Variants in CDH18 observed in about 807,000 individuals in gnomAD.
CDH18 encodes the protein cadherin 18.
A neutral mutation model predicts 67.9 loss-of-function variants in CDH18; 31 were observed. The observed-to-expected ratio is 0.46, with a 90% CI of 0.34 to 0.62. The LOEUF is 0.62. Among genes scored for constraint, CDH18 ranks in the 20% least tolerant of loss-of-function variants. CDH18 has a pLI of 0.01. For missense variants in CDH18, 890 were observed against 975.5 expected (o/e 0.91, Z 1.17); for synonymous variants, 362 against 347.2 (o/e 1.04, Z -0.48).
chr5:20,157,842 A>T (rs1020849405), intron 2 of CDH18, among the ~76,000 whole-genome samples: 3 of 151,912 alleles, frequency 2.0e-5, no homozygotes, highest in Non-Finnish European at 4.4e-5. Context: ...GGGTTTCACC[A>T]TGTTGGCCAG....
chr5:19,495,717 C>CAAAAAA (rs749003068), intron 11 of CDH18, among the ~76,000 whole-genome samples: 18 of 46,494 alleles, frequency 3.9e-4, no homozygotes, highest in Admixed American at 8.0e-4. Context: ...GAAACTGTCT[C>CAAAAAA]AAAAAAAAAA....
intron 2 of CDH18, among the ~76,000 whole-genome samples, chr5:20,049,269 C>T (rs1741192207): frequency 6.6e-6 from 1 of 151,326 alleles, no homozygotes. Flanking sequence ...ATAGGATTCT[C>T]TAAGAACAGT....
intron 2 of CDH18, among the ~76,000 whole-genome samples, chr5:20,222,812 C>G (rs1180850108): frequency 1.3e-5 from 2 of 151,926 alleles, no homozygotes; most frequent in African/African-American, 4.8e-5. Context: ...TGTTTTCTGA[C>G]AGTTCTTTAA....
At chr5:20,445,299 G>A (rs1349866760) in intron 1 of CDH18, among the ~76,000 whole-genome samples, 1 of 152,134 alleles carries the variant, frequency 6.6e-6, no homozygotes, top group East Asian at 1.9e-4. Flanking sequence ...CTGCAGATTA[G>A]AAAAAGGAAA....
chr5:19,815,956 A>G (rs1179630709), intron 3 of CDH18, among the ~76,000 whole-genome samples: 1 of 151,958 alleles, frequency 6.6e-6, no homozygotes, highest in Non-Finnish European at 1.5e-5. Flanking sequence ...AGTTCTTAAC[A>G]GATGTAAGCA....
chr5:19,874,398 C>T (rs1786698628), intron 2 of CDH18, among the ~76,000 whole-genome samples: 1 of 152,158 alleles, frequency 6.6e-6, no homozygotes, highest in East Asian at 1.9e-4. Context: ...ATAATATCTT[C>T]CACAACAACT....
chr5:19,692,365 AT>A (rs1481695511), intron 5 of CDH18, among the ~76,000 whole-genome samples: 1 of 152,176 alleles, frequency 6.6e-6, no homozygotes, highest in Non-Finnish European at 1.5e-5. Context: ...ATGAAACAAA[AT>A]CAAAAATAGA....
At chr5:20,375,645 A>AT (rs890708215) in intron 1 of CDH18, among the ~76,000 whole-genome samples, 14 of 152,008 alleles carry the variant, frequency 9.2e-5, no homozygotes, top group Non-Finnish European at 1.6e-4. Context: ...CTGTCAATTC[A>AT]TTTTTTTTAG....
intron 2 of CDH18, among the ~76,000 whole-genome samples, chr5:20,245,734 C>T (rs1743324646): frequency 6.6e-6 from 1 of 152,056 alleles, no homozygotes; most frequent in South Asian, 2.1e-4. Context: ...GCATATAATG[C>T]ACAATAAAAA....
intron 3 of CDH18, among the ~76,000 whole-genome samples, chr5:19,822,555 C>A (rs1032782923): frequency 1.3e-5 from 2 of 152,134 alleles, no homozygotes; most frequent in Non-Finnish European, 2.9e-5. Context: ...GGGCAGACAT[C>A]ACATGTCAGT....
At chr5:19,613,559 A>C (rs1265385826) in intron 5 of CDH18, among the ~76,000 whole-genome samples, 1 of 152,200 alleles carries the variant, frequency 6.6e-6, no homozygotes, top group Non-Finnish European at 1.5e-5. Context: ...TAGTAGTGCA[A>C]AGAGGGACGT....
chr5:19,828,521 C>T (rs1231569467), intron 3 of CDH18, among the ~76,000 whole-genome samples: 1 of 152,180 alleles, frequency 6.6e-6, no homozygotes, highest in Non-Finnish European at 1.5e-5. Context: ...TCCAGCAGCA[C>T]ATCAAAAAGC....
chr5:19,973,932 G>A (rs1425669146), intron 2 of CDH18, among the ~76,000 whole-genome samples: 1 of 152,130 alleles, frequency 6.6e-6, no homozygotes, highest in East Asian at 1.9e-4. Context: ...TTTACACTTA[G>A]AGGGAGTATT....
intron 1 of CDH18, among the ~76,000 whole-genome samples, chr5:20,330,132 T>C (rs60423816): frequency 0.13 from 20,451 of 152,210 alleles, 1,455 homozygotes; most frequent in African/African-American, 0.15. Flanking sequence ...TTTACTTCTA[T>C]AAAAGCAAAA....
rs551433771 is a variant in CDH18 at position 20,524,387 on chromosome 5, G to A, written c.-580+51075C>T. Among the ~76,000 whole-genome samples the A allele has an allele frequency of 2.5e-3, 383 of 152,236 alleles. 3 individuals carry two copies. Among genetic ancestry groups the A allele is most frequent in the African/African-American group, 8.8e-3 (365 of 41,548 alleles). ...AACATATTTTTCTATTAAAGACAAT[G>A]TTTGTTTAGTCAATTTGTTATGGAC... On this transcript the variant is annotated intron_variant, in intron 1 of 14. Coordinates refer to the CDH18 transcript ENST00000507958.
At chr5:20,095,392 G>GAAAGA (rs1745839859) in intron 2 of CDH18, among the ~76,000 whole-genome samples, 1 of 64,126 alleles carries the variant, frequency 1.6e-5, no homozygotes, top group South Asian at 6.0e-4. Flanking sequence ...AAGAGAAACA[G>GAAAGA]AAGAAAGAAA....
intron 5 of CDH18, among the ~76,000 whole-genome samples, chr5:19,624,109 G>A (rs929809057): frequency 6.6e-6 from 1 of 151,554 alleles, no homozygotes; most frequent in Admixed American, 6.6e-5. Flanking sequence ...CTGGGTGCAA[G>A]TGATTCTCCT....
At chr5:19,565,152 G>A (rs1011651700) in intron 8 of CDH18, among the ~76,000 whole-genome samples, 2 of 152,050 alleles carry the variant, frequency 1.3e-5, no homozygotes, top group Admixed American at 6.6e-5. Context: ...AATCCTGGCT[G>A]GATTCACTCC....
intron 2 of CDH18, among the ~76,000 whole-genome samples, chr5:19,843,160 G>T (rs1438064577): frequency 2.6e-5 from 4 of 152,144 alleles, no homozygotes; most frequent in Non-Finnish European, 4.4e-5. Flanking sequence ...TGTCTCCAGG[G>T]CATGTCAGAG....
Sources: allele counts gnomAD v4.1 joint callset (sites outside exome capture counted in the v4.1 genomes callset), GRCh38; gene constraint gnomAD v4.1.1; transcripts MANE v1.5; gene names NCBI Gene and HGNC (gene_info 2026-07-23, HGNC 2026-07-21).